CD302: variants seen among roughly 807,000 people sequenced by gnomAD.
CD302 encodes the protein CD302 molecule, also known as CD302 antigen.
CD302 carries 23 observed loss-of-function variants against 26.5 expected under a neutral mutation model. The ratio of observed to expected loss-of-function variants is 0.87; its 90% confidence interval spans 0.62 to 1.23. The LOEUF is 1.23. Ranked by LOEUF, CD302 falls within the 50% of genes most tolerant of loss-of-function variation. The probability of loss-of-function intolerance (pLI) is 0.00; values close to 1 mark genes in which losing one functional copy is unlikely to be tolerated. For missense variants in CD302, 290 were observed against 275.5 expected (o/e 1.05, Z -0.37); for synonymous variants, 90 against 99.4 (o/e 0.91, Z 0.56).
At chr2:159,783,541 A>T (rs1574495309) in intron 1 of CD302, 72 bp from the exon 2 acceptor site, 1 of 1,175,730 alleles carries the variant, frequency 8.5e-7, no homozygotes, top group Admixed American at 2.8e-5. Context: ...AAAGATAAGG[A>T]TATTAGATAC....
At chr2:159,797,879 G>T (rs1474912590) in intron 1 of CD302, among the ~76,000 whole-genome samples, 1 of 152,200 alleles carries the variant, frequency 6.6e-6, no homozygotes, top group East Asian at 1.9e-4. Context: ...GGGGTCTGCG[G>T]TGAGGATGTG....
Position 159,780,868 on chromosome 2 carries a change from TA to T in CD302, c.295+13del, listed in dbSNP as rs1172256123. ...AACAACAAAGTCACGTCCCACGAGG[TA>T]AATATCACTTACCATCTGTGTCATA... On this transcript the variant is annotated intron_variant, in intron 3 of 5. Coordinates refer to ENST00000259053, the MANE Select transcript of CD302 (RefSeq NM_014880.5). The T allele has an allele frequency of 6.2e-7, 1 of 1,607,050 alleles. No individual in the cohort carries two copies. Among genetic ancestry groups the T allele is most frequent in the Non-Finnish European group, 8.5e-7 (1 of 1,176,434 alleles).
intron 5 of CD302, among the ~76,000 whole-genome samples, chr2:159,776,012 C>CTTTTTTTTTTTTTTTTTTTTTTT (rs71406197): frequency 1.2e-5 from 1 of 81,252 alleles, no homozygotes; most frequent in Non-Finnish European, 2.3e-5. Context: ...CGGGTTTCAA[C>CTTTTTTTTTTTTTTTTTTTTTTT]TTTTTTTTTT....
intron 5 of CD302, among the ~76,000 whole-genome samples, chr2:159,774,086 A>ATTGT (rs55917796): frequency 0.27 from 40,177 of 151,334 alleles, 6,422 homozygotes; most frequent in South Asian, 0.44. Flanking sequence ...GGGCAACTAG[A>ATTGT]TTGTTAGCCG....
At chr2:159,794,292 T>TAAAAA (rs1708885730) in intron 1 of CD302, among the ~76,000 whole-genome samples, 1 of 45,654 alleles carries the variant, frequency 2.2e-5, no homozygotes, top group East Asian at 3.8e-4. Flanking sequence ...TAAAATAAAA[T>TAAAAA]AAAATAAAAT....
chr2:159,770,175 A>G lies in CD302; in HGVS notation c.*1676T>C, dbSNP rs1200864082. 1 of 152,158 alleles carries G rather than the reference A, an allele frequency of 6.6e-6. No homozygotes were observed. The highest frequency in any genetic ancestry group is 1.5e-5 in the Non-Finnish European group (1 of 68,018). The allele number at this position is 152,158 out of a possible 1,614,324, so 9.4% of individuals were successfully genotyped here. A position where few individuals can be genotyped will look rare whatever the true frequency, so the allele number is the denominator to read the frequency against. On this transcript the variant is annotated 3_prime_UTR_variant, in exon 6 of 6. Coordinates refer to ENST00000259053, the MANE Select transcript of CD302 (RefSeq NM_014880.5). ...CTTCAAGGAGTGGTACAATTTGGGT[A>G]GGAAAACCAGGCAGGAATTCCAGGG... is the stretch of plus-strand genomic sequence containing the variant.
At chr2:159,778,530 CAAGTA>C (rs1708407476) in intron 4 of CD302, among the ~76,000 whole-genome samples, 1 of 151,966 alleles carries the variant, frequency 6.6e-6, no homozygotes, top group Admixed American at 6.6e-5. Flanking sequence ...CCTGCTGTAG[CAAGTA>C]AAGAAATGTA....
chr2:159,789,504 T>C (rs1368638413), intron 1 of CD302, among the ~76,000 whole-genome samples: 1 of 152,050 alleles, frequency 6.6e-6, no homozygotes, highest in Non-Finnish European at 1.5e-5. Context: ...TCTAGGTCAG[T>C]TATTAGTCTG....
At chr2:159,795,556 A>G (rs1032633174) in intron 1 of CD302, among the ~76,000 whole-genome samples, 3 of 152,246 alleles carry the variant, frequency 2.0e-5, no homozygotes, top group African/African-American at 2.4e-5. Flanking sequence ...TGGAAAAGAT[A>G]AAACATGGAC....
intron 1 of CD302, among the ~76,000 whole-genome samples, chr2:159,796,017 T>C (rs911717509): frequency 1.3e-5 from 2 of 152,260 alleles, no homozygotes; most frequent in African/African-American, 2.4e-5. Flanking sequence ...CTCAGGAATT[T>C]AAAGAATGTT....
intron 1 of CD302, among the ~76,000 whole-genome samples, chr2:159,785,637 A>G (rs1708646440): frequency 6.6e-6 from 1 of 152,128 alleles, no homozygotes; most frequent in Non-Finnish European, 1.5e-5. Flanking sequence ...AACAGCACTC[A>G]GTCGTCTCAG....
intron 5 of CD302, among the ~76,000 whole-genome samples, chr2:159,774,013 G>T (rs1708235702): frequency 1.3e-5 from 2 of 151,960 alleles, no homozygotes; most frequent in Non-Finnish European, 2.9e-5. Flanking sequence ...TTCTGTGGCA[G>T]AGGTCACCAA....
intron 1 of CD302, among the ~76,000 whole-genome samples, chr2:159,796,121 C>A (rs1311155251): frequency 6.6e-6 from 1 of 152,178 alleles, no homozygotes; most frequent in South Asian, 2.1e-4. Flanking sequence ...CAATGATTTC[C>A]GTTTCAACAT....
In CD302 at chr2:159,769,926, T is replaced by TG. The variant is rs1161494559; in HGVS notation, c.*1924dup. 6.6e-6 allele frequency: 1 copy of TG among 152,204 alleles called. No homozygotes were observed. The highest frequency in any genetic ancestry group is 1.5e-5 in the Non-Finnish European group (1 of 68,040). The allele number at this position is 152,204 out of a possible 1,614,324, so 9.4% of individuals were successfully genotyped here. ...CACCTGTGATTTGAACACTTGACAA[T>TG]GTGGCTAATGTAATTCGAAAACTGG... On this transcript the variant is annotated 3_prime_UTR_variant, in exon 6 of 6. Transcript: ENST00000259053.
At chr2:159,790,905 G>A (rs1388814242) in intron 1 of CD302, among the ~76,000 whole-genome samples, 3 of 152,054 alleles carry the variant, frequency 2.0e-5, no homozygotes, top group Admixed American at 6.6e-5. Context: ...TGTCTAATAA[G>A]TCCACAAAAA....
intron 1 of CD302, among the ~76,000 whole-genome samples, chr2:159,784,685 C>A (rs1225475945): frequency 6.6e-6 from 1 of 152,036 alleles, no homozygotes; most frequent in Non-Finnish European, 1.5e-5. Context: ...TTAATATAAA[C>A]AAGTAGAAGC....
At chr2:159,795,140 T>C (rs1280952677) in intron 1 of CD302, among the ~76,000 whole-genome samples, 1 of 151,602 alleles carries the variant, frequency 6.6e-6, no homozygotes, top group African/African-American at 2.4e-5. Flanking sequence ...GGAGAATTGC[T>C]TGAACCCAGA....
chr2:159,778,260 T>C (rs1270655659), intron 4 of CD302, among the ~76,000 whole-genome samples: 1 of 152,192 alleles, frequency 6.6e-6, no homozygotes, highest in Non-Finnish European at 1.5e-5. Context: ...AAGAGGATTC[T>C]GGTTGGAGAG....
chr2:159,790,951 T>C (rs961232217), intron 1 of CD302, among the ~76,000 whole-genome samples: 3 of 152,218 alleles, frequency 2.0e-5, no homozygotes, highest in Admixed American at 6.5e-5. Context: ...TTATAGTTCT[T>C]TTTTTCATCT....
Sources: allele counts gnomAD v4.1 joint callset (sites outside exome capture counted in the v4.1 genomes callset), GRCh38; gene constraint gnomAD v4.1.1; transcripts MANE v1.5; gene names NCBI Gene and HGNC (gene_info 2026-07-23, HGNC 2026-07-21).